Variants in MYT1L observed in about 807,000 individuals in gnomAD.
The protein encoded by MYT1L is myelin transcription factor 1-like protein.
Under a neutral mutation model 126.7 loss-of-function variants are expected in MYT1L, and 12 were observed. The observed-to-expected ratio is 0.09, with a 90% CI of 0.06 to 0.15. MYT1L has a LOEUF of 0.15. Among genes scored for constraint, MYT1L ranks in the 10% least tolerant of loss-of-function variants. MYT1L has a pLI of 1.00. For synonymous variants in MYT1L, 541 were observed against 604.2 expected, an observed-to-expected ratio of 0.90 and a Z score of 1.53; for missense variants, 979 against 1,585.2, an observed-to-expected ratio of 0.62 and a Z score of 6.49.
intron 4 of MYT1L, among the ~76,000 whole-genome samples, chr2:2,037,940 A>G (rs1317586827): frequency 6.6e-6 from 1 of 152,158 alleles, no homozygotes; most frequent in Admixed American, 6.6e-5. Flanking sequence ...CCTAACTCCC[A>G]GCACCGACTC....
At chr2:1,936,817 C>T (rs900018411) in intron 9 of MYT1L, among the ~76,000 whole-genome samples, 2 of 152,138 alleles carry the variant, frequency 1.3e-5, no homozygotes, top group Non-Finnish European at 2.9e-5. Flanking sequence ...CCCCTCACCC[C>T]CTCCATGCTG....
chr2:2,039,997 G>C (rs890004633), intron 4 of MYT1L, among the ~76,000 whole-genome samples: 2 of 152,282 alleles, frequency 1.3e-5, no homozygotes, highest in African/African-American at 4.8e-5. Context: ...CATGCCTACA[G>C]GTGTATGCGT....
At chr2:1,795,997 A>G (rs186426796) in intron 23 of MYT1L, among the ~76,000 whole-genome samples, 35 of 152,364 alleles carry the variant, frequency 2.3e-4, no homozygotes, top group Admixed American at 2.0e-3. Context: ...GAAAGCTAAG[A>G]CTAAGCTAAG....
At chr2:1,880,926 G>C (rs1347594622) in intron 18 of MYT1L, among the ~76,000 whole-genome samples, 1 of 152,198 alleles carries the variant, frequency 6.6e-6, no homozygotes, top group Non-Finnish European at 1.5e-5. Context: ...GGCATAAACA[G>C]ACGGACCTGC....
intron 2 of MYT1L, among the ~76,000 whole-genome samples, chr2:2,205,996 T>TCTTTCTTTTTTC (rs2093303321): frequency 6.6e-6 from 1 of 152,022 alleles, no homozygotes; most frequent in Admixed American, 6.6e-5. Context: ...TTCTTTTTTT[T>TCTTTCTTTTTTC]TTTTGAAACA....
intron 2 of MYT1L, among the ~76,000 whole-genome samples, chr2:2,181,195 G>C (rs1437364776): frequency 1.3e-5 from 2 of 149,124 alleles, no homozygotes; most frequent in Non-Finnish European, 3.0e-5. Context: ...TATGATCTAT[G>C]TGTGCCGTGT....
At chr2:2,109,918 T>C (rs1477743777) in intron 3 of MYT1L, among the ~76,000 whole-genome samples, 1 of 125,486 alleles carries the variant, frequency 8.0e-6, no homozygotes. Flanking sequence ...TATATATATA[T>C]ATATATCCCT....
intron 4 of MYT1L, among the ~76,000 whole-genome samples, chr2:2,002,784 G>A (rs554647387): frequency 1.2e-4 from 18 of 152,218 alleles, no homozygotes; most frequent in Middle Eastern, 3.4e-3. Context: ...TCACGGGGGC[G>A]GGGCAGTTTC....
At chr2:2,321,712 A>G (rs1489330345) in intron 1 of MYT1L, among the ~76,000 whole-genome samples, 5 of 152,236 alleles carry the variant, frequency 3.3e-5, no homozygotes, top group Non-Finnish European at 1.5e-5. Context: ...TACTAAAAAA[A>G]AAGACCCCCA....
intron 2 of MYT1L, among the ~76,000 whole-genome samples, chr2:2,265,307 C>G (rs1312095725): frequency 6.6e-6 from 1 of 151,794 alleles, no homozygotes; most frequent in African/African-American, 2.4e-5. Context: ...CGCGCCTGGC[C>G]CATCCTTTTT....
At position 1,829,215 on chromosome 2, in the gene MYT1L, G is replaced by A. The variant is rs188128062; in HGVS notation, c.3080+9934C>T. 2.6e-5 allele frequency among the ~76,000 whole-genome samples: 4 copies of A among 152,120 alleles called. No homozygotes were observed. In the East Asian group the frequency reaches 7.7e-4, roughly 29 times the overall value. On this transcript the variant is annotated intron_variant, in intron 21 of 24. Coordinates refer to ENST00000647738, the MANE Select transcript of MYT1L (RefSeq NM_001303052.2). ...TCCTTCTCCCCCAACTTTACCTCCT[G>A]ACTTCTTTTGCTGGACTAGAATCTC...
chr2:1,935,001 T>C (rs1391001590), intron 9 of MYT1L, among the ~76,000 whole-genome samples: 1 of 152,214 alleles, frequency 6.6e-6, no homozygotes, highest in Admixed American at 6.5e-5. Flanking sequence ...TCTTTGTCTC[T>C]AGTCTTCCAT....
chr2:1,832,687 C>T (rs1232254944), intron 21 of MYT1L, among the ~76,000 whole-genome samples: 4 of 152,174 alleles, frequency 2.6e-5, no homozygotes, highest in South Asian at 2.1e-4. Context: ...ATTCAAAGCC[C>T]GGACTCCAAG....
chr2:2,208,940 C>A lies in MYT1L; in HGVS notation c.-420-35952G>T, dbSNP rs371262817. ...AAATTTTTATCAAAATTTAGCTAAT[C>A]ACTTTCCATCATTTTTCAAATGTCA... On this transcript the variant is annotated intron_variant, in intron 2 of 24. Coordinates refer to ENST00000647738, the MANE Select transcript of MYT1L (RefSeq NM_001303052.2). 5.4e-5 allele frequency among the ~76,000 whole-genome samples: 8 copies of A among 147,186 alleles called. No homozygotes were observed. The East Asian group carries it at 9.8e-4, about 18-fold the overall frequency.
chr2:1,832,850 G>A (rs1373227832), intron 21 of MYT1L, among the ~76,000 whole-genome samples: 2 of 152,152 alleles, frequency 1.3e-5, no homozygotes, highest in East Asian at 3.9e-4. Context: ...CGCTGGCCTG[G>A]CACCATGTTG....
At chr2:2,161,191 C>G (rs1159925521) in intron 3 of MYT1L, among the ~76,000 whole-genome samples, 2 of 152,006 alleles carry the variant, frequency 1.3e-5, no homozygotes, top group African/African-American at 2.4e-5. Flanking sequence ...CCAGCCTGGG[C>G]AATGGAGAGA....
chr2:1,812,730 G>C (rs1036455225), intron 21 of MYT1L, among the ~76,000 whole-genome samples: 5 of 152,076 alleles, frequency 3.3e-5, no homozygotes, highest in African/African-American at 1.2e-4. Context: ...ACAAAAATTA[G>C]CTGGGCGTGG....
chr2:2,164,241 C>T (rs2088612162), intron 3 of MYT1L, among the ~76,000 whole-genome samples: 1 of 151,932 alleles, frequency 6.6e-6, no homozygotes, highest in Admixed American at 6.6e-5. Flanking sequence ...TAGTTATGTC[C>T]ATATTATTTG....
At chr2:2,249,744 C>T (rs1285126414) in intron 2 of MYT1L, among the ~76,000 whole-genome samples, 2 of 152,136 alleles carry the variant, frequency 1.3e-5, no homozygotes, top group Admixed American at 6.5e-5. Flanking sequence ...AGACAACCTA[C>T]AGAAAGGGAG....
Sources: gnomAD v4.1 joint callset for allele counts (sites outside exome capture counted in the v4.1 genomes callset) on GRCh38, gnomAD v4.1.1 for gene constraint, MANE v1.5 for transcripts, NCBI Gene and HGNC (gene_info 2026-07-23, HGNC 2026-07-21) for gene names.